Variants in RRAS2 observed in about 807,000 individuals in gnomAD.
The protein encoded by RRAS2 is ras-related protein R-Ras2.
A neutral mutation model predicts 27.6 loss-of-function variants in RRAS2; 7 were observed. That is an observed-to-expected ratio of 0.25 (90% CI 0.14 to 0.48). The LOEUF (loss-of-function observed/expected upper bound fraction) is 0.48, where lower values mean the gene tolerates loss of function less well. RRAS2 is among the 20% of genes least tolerant of loss of function. The probability of loss-of-function intolerance (pLI) is 0.99; values close to 1 mark genes in which losing one functional copy is unlikely to be tolerated. For synonymous variants in RRAS2, 86 were observed against 90.9 expected, an observed-to-expected ratio of 0.95 and a Z score of 0.31; for missense variants, 178 against 256.2, an observed-to-expected ratio of 0.69 and a Z score of 2.08.
intron 1 of RRAS2, among the ~76,000 whole-genome samples, chr11:14,309,669 G>A (rs1564964805): frequency 6.6e-6 from 1 of 152,162 alleles, no homozygotes; most frequent in Non-Finnish European, 1.5e-5. Context: ...TCCAGGCAGA[G>A]GGAACATTAA....
chr11:14,299,601 T>C (rs1847644609), intron 1 of RRAS2, among the ~76,000 whole-genome samples: 1 of 152,226 alleles, frequency 6.6e-6, no homozygotes, highest in Non-Finnish European at 1.5e-5. Context: ...TCATTCCCAC[T>C]ACTTGAAACC....
At chr11:14,347,155 C>T (rs1467374823) in intron 1 of RRAS2, among the ~76,000 whole-genome samples, 1 of 152,084 alleles carries the variant, frequency 6.6e-6, no homozygotes, top group Non-Finnish European at 1.5e-5. Context: ...AGAGCAAGAC[C>T]CTGTCTCTAA....
At chr11:14,351,287 A>G (rs1848944737) in intron 1 of RRAS2, among the ~76,000 whole-genome samples, 1 of 152,244 alleles carries the variant, frequency 6.6e-6, no homozygotes, top group Non-Finnish European at 1.5e-5. Flanking sequence ...CATGGAAATA[A>G]TGAATTGGAT....
intron 1 of RRAS2, among the ~76,000 whole-genome samples, chr11:14,309,973 A>C (rs1037995089): frequency 5.3e-5 from 8 of 152,340 alleles, no homozygotes; most frequent in African/African-American, 1.7e-4. Context: ...AGACTACTTA[A>C]GAAGCTATTA....
At position 14,358,204 on chromosome 11, in the gene RRAS2, A is replaced by G. The variant is rs1554955727; in HGVS notation, c.108+559T>C. On this transcript the variant is annotated intron_variant, in intron 1 of 5. Coordinates refer to ENST00000256196, the MANE Select transcript of RRAS2 (RefSeq NM_012250.6). This position sits in a 1 kb window ranked among gnomAD's most constrained non-coding sequence, Gnocchi z 5.1. ...ACACTCCCACCCGGACATATTACCT[A>G]AGAGAGTACTTATAAAAAGAGCGTA... The G allele has an allele frequency of 4.1e-6, 4 of 984,068 alleles. No individual in the cohort carries two copies. The highest frequency in any genetic ancestry group is 4.8e-6 in the Non-Finnish European group (4 of 828,778). 61.0% of individuals were successfully genotyped at this position (984,068 alleles called of 1,614,324 possible).
chr11:14,337,373 T>C (rs1554952684), intron 1 of RRAS2, among the ~76,000 whole-genome samples: 1 of 152,060 alleles, frequency 6.6e-6, no homozygotes, highest in East Asian at 1.9e-4. Context: ...CAACAAGCCA[T>C]ATCATCATGC....
At chr11:14,325,776 A>T (rs904154164) in intron 1 of RRAS2, among the ~76,000 whole-genome samples, 1 of 152,248 alleles carries the variant, frequency 6.6e-6, no homozygotes, top group Non-Finnish European at 1.5e-5. Context: ...CTGTAAAAAA[A>T]AATTTAACAC....
In RRAS2 at chr11:14,278,943, A is replaced by G. The variant is rs1554943871; in HGVS notation, c.*394T>C. On this transcript the variant is annotated 3_prime_UTR_variant, in exon 6 of 6. Transcript: ENST00000256196. ...AAAAATTCACATTAAAAAAAACCCTATATTTCTATTTAGAGTAACAGTAGG... is the reference window on the plus strand; with the variant it reads ...AAAAATTCACATTAAAAAAAACCCTGTATTTCTATTTAGAGTAACAGTAGG... 1.9e-5 allele frequency: 3 copies of G among 161,222 alleles called. No individual in the cohort carries two copies. The highest frequency in any genetic ancestry group is 5.9e-5 in the Admixed American group (1 of 16,932). 10.0% of individuals were successfully genotyped at this position (161,222 alleles called of 1,614,324 possible).
At chr11:14,298,935 C>G (rs1445958621) in intron 1 of RRAS2, among the ~76,000 whole-genome samples, 2 of 152,172 alleles carry the variant, frequency 1.3e-5, no homozygotes, top group Non-Finnish European at 2.9e-5. Context: ...TTTGAGGCAA[C>G]AGATCACCAA....
chr11:14,319,238 C>G (rs549938377), intron 1 of RRAS2, among the ~76,000 whole-genome samples: 2 of 152,160 alleles, frequency 1.3e-5, no homozygotes, highest in African/African-American at 4.8e-5. Flanking sequence ...TCCGTCAATC[C>G]TGACATTTGG....
intron 1 of RRAS2, among the ~76,000 whole-genome samples, chr11:14,297,322 G>A (rs1046401237): frequency 6.6e-5 from 10 of 152,110 alleles, no homozygotes; most frequent in South Asian, 2.1e-4. Context: ...CATTCGTGGC[G>A]ACCTATGCAA....
At chr11:14,341,951 T>C (rs1383994908) in intron 1 of RRAS2, 1 of 453,060 alleles carries the variant, frequency 2.2e-6, no homozygotes, top group Non-Finnish European at 4.1e-6. Context: ...CATGCATTTA[T>C]ACAACATTAG....
chr11:14,278,823 G>T lies in RRAS2; in HGVS notation c.*514C>A, dbSNP rs182768085. 2.0e-5 allele frequency: 3 copies of T among 152,772 alleles called. No homozygotes were observed. The highest frequency in any genetic ancestry group is 2.0e-4 in the Admixed American group (3 of 15,332). 9.5% of individuals were successfully genotyped at this position (152,772 alleles called of 1,614,324 possible). A position where few individuals can be genotyped will look rare whatever the true frequency, so the allele number is the denominator to read the frequency against. On this transcript the variant is annotated 3_prime_UTR_variant, in exon 6 of 6. Coordinates refer to ENST00000256196, the MANE Select transcript of RRAS2 (RefSeq NM_012250.6). ...TGGCCATCAGAAAACAAAAGTTGTA[G>T]TATCAGTAAAGGTCTGAGATGGTTC... is the stretch of plus-strand genomic sequence containing the variant.
At chr11:14,332,710 T>C (rs952779912) in intron 1 of RRAS2, among the ~76,000 whole-genome samples, 4 of 152,114 alleles carry the variant, frequency 2.6e-5, no homozygotes, top group South Asian at 2.1e-4. Context: ...CTTGGAGAGA[T>C]AGAAATGTCC....
At chr11:14,297,746 A>G (rs1847590207) in intron 1 of RRAS2, among the ~76,000 whole-genome samples, 1 of 152,202 alleles carries the variant, frequency 6.6e-6, no homozygotes, top group Non-Finnish European at 1.5e-5. Context: ...CCTGGAAGAC[A>G]GAATAACACC....
chr11:14,283,778 T>G (rs1424257820), intron 4 of RRAS2, among the ~76,000 whole-genome samples: 1 of 152,210 alleles, frequency 6.6e-6, no homozygotes, highest in East Asian at 1.9e-4. Context: ...ATATTGTGTC[T>G]TTTCTCTTTT....
chr11:14,318,371 C>T (rs1414167143), intron 1 of RRAS2, among the ~76,000 whole-genome samples: 3 of 152,050 alleles, frequency 2.0e-5, no homozygotes, highest in African/African-American at 2.4e-5. Flanking sequence ...GGCGTAGTTG[C>T]GCATGCCTGT....
intron 1 of RRAS2, among the ~76,000 whole-genome samples, chr11:14,317,151 T>C (rs782144938): frequency 2.6e-5 from 4 of 152,242 alleles, no homozygotes; most frequent in Admixed American, 6.5e-5. Flanking sequence ...CCCTTATAGG[T>C]GTTGGGTGGA....
chr11:14,358,881 C>G lies in RRAS2; in HGVS notation c.-11G>C, dbSNP rs1199146425. ...GCCGGCCGCGGCCATGGGGACGCTA[C>G]AGAGCCCAGCCTGACTGCGCCGAGC... On this transcript the variant is annotated 5_prime_UTR_variant, in exon 1 of 6. Coordinates refer to ENST00000256196, the MANE Select transcript of RRAS2 (RefSeq NM_012250.6). The surrounding 1 kb of genome is among the most constrained non-coding windows in gnomAD (Gnocchi z 5.1). The G allele has an allele frequency of 1.3e-5, 19 of 1,438,708 alleles. No homozygotes were observed. The highest frequency in any genetic ancestry group is 1.7e-5 in the Non-Finnish European group (19 of 1,086,684). 89.1% of individuals were successfully genotyped at this position (1,438,708 alleles called of 1,614,324 possible).
Sources: allele counts gnomAD v4.1 joint callset (sites outside exome capture counted in the v4.1 genomes callset), GRCh38; gene constraint gnomAD v4.1.1; non-coding constraint Gnocchi (gnomAD v3.1); transcripts MANE v1.5; gene names NCBI Gene and HGNC (gene_info 2026-07-23, HGNC 2026-07-21).